Variants in COL17A1 observed in about 807,000 individuals in gnomAD.
COL17A1 encodes collagen type XVII alpha 1 chain.
Under a neutral mutation model 218.4 loss-of-function variants are expected in COL17A1, and 181 were observed. The ratio of observed to expected loss-of-function variants is 0.83; its 90% confidence interval spans 0.73 to 0.94. The LOEUF is 0.94. Ranked by LOEUF, COL17A1 falls within the 40% of genes least tolerant of loss-of-function variation. The pLI is 0.00. For missense variants in COL17A1, 1,924 were observed against 1,945.9 expected (o/e 0.99, Z 0.21); for synonymous variants, 721 against 731.0 (o/e 0.99, Z 0.22).
rs12253626 is a variant in COL17A1, at chr10:104,032,161, C to A, written c.*74G>T. 2.0e-3 allele frequency: 2,379 copies of A among 1,196,264 alleles called. 36 individuals are homozygous for A. In the African/African-American group the frequency reaches 0.031, roughly 16 times the overall value. The allele number at this position is 1,196,264 out of a possible 1,614,324, so 74.1% of individuals were successfully genotyped here. On this transcript the variant is annotated 3_prime_UTR_variant, in exon 56 of 56. Coordinates refer to ENST00000648076, the MANE Select transcript of COL17A1 (RefSeq NM_000494.4). The stretch of plus-strand genomic sequence containing the variant: ...GACATTGACAGACTCCAGCTTTCAC[C>A]CTCTGGAGACCTTGGACCTAAGTGC...
chr10:104,083,724 C>T (rs2086784392), intron 1 of COL17A1, among the ~76,000 whole-genome samples: 2 of 152,222 alleles, frequency 1.3e-5, no homozygotes, highest in Admixed American at 6.5e-5. Flanking sequence ...TTTACCATCA[C>T]ATTTGGGTTT....
At position 104,032,179 on chromosome 10, in the gene COL17A1, C is replaced by T; in HGVS notation, c.*56G>A. On this transcript the variant is annotated 3_prime_UTR_variant, in exon 56 of 56. Coordinates refer to ENST00000648076, the MANE Select transcript of COL17A1 (RefSeq NM_000494.4). ...CTTTCACCCTCTGGAGACCTTGGAC[C>T]TAAGTGCCACATGCATTATGAGACC... The T allele has an allele frequency of 6.9e-7, 1 of 1,456,372 alleles. No individual in the cohort carries two copies. The highest frequency in any genetic ancestry group is 1.7e-5 in the Admixed American group (1 of 59,644). The allele number at this position is 1,456,372 out of a possible 1,614,324, so 90.2% of individuals were successfully genotyped here.
intron 8 of COL17A1, among the ~76,000 whole-genome samples, chr10:104,071,278 C>T (rs1309767917): frequency 6.6e-6 from 1 of 152,070 alleles, no homozygotes; most frequent in Non-Finnish European, 1.5e-5. Flanking sequence ...CCTCACCACC[C>T]CTAAGCCTGG....
rs776850799 is a variant in COL17A1 at position 104,049,394 on chromosome 10, C to T, written c.2227+15G>A. On this transcript the variant is annotated intron_variant, in intron 29 of 55. Coordinates refer to ENST00000648076, the MANE Select transcript of COL17A1 (RefSeq NM_000494.4). ...GATGGGGAACTCACTGAATCCATTCCTTTGGAACACTTACCCATTGCTCCT... is the reference window on the plus strand; with the variant it reads ...GATGGGGAACTCACTGAATCCATTCTTTTGGAACACTTACCCATTGCTCCT... 2 of 1,613,684 alleles carry T rather than the reference C, an allele frequency of 1.2e-6. No homozygotes were observed. The highest frequency in any genetic ancestry group is 4.5e-5 in the East Asian group (2 of 44,864).
rs805706 is a variant in COL17A1, at chr10:104,062,078, C to T, written c.910+180G>A. ...GATGCTGTTGACAGGACAGCCTTCC[C>T]TGTGTGCTTGACTCATGTCTGAGCC... On this transcript the variant is annotated intron_variant, in intron 12 of 55. Coordinates refer to ENST00000648076, the MANE Select transcript of COL17A1 (RefSeq NM_000494.4). Among the ~76,000 whole-genome samples the T allele has an allele frequency of 0.88, 133,571 of 152,212 alleles. 60,483 individuals carry two copies. The highest frequency in any genetic ancestry group is 0.99 in the Non-Finnish European group (67,649 of 68,036).
rs2086302169 is a variant in COL17A1, at chr10:104,036,643, G to A, written c.3278-11C>T. The A allele has an allele frequency of 6.2e-7, 1 of 1,612,986 alleles. No individual in the cohort carries two copies. Among genetic ancestry groups the A allele is most frequent in the African/African-American group, 1.3e-5 (1 of 74,886 alleles). On this transcript the variant is annotated splice_polypyrimidine_tract_variant and intron_variant, in intron 47 of 55. Coordinates refer to ENST00000648076, the MANE Select transcript of COL17A1 (RefSeq NM_000494.4). Reference sequence around the variant, plus strand: ...GACGCACGTCATCCCCTGGAGAGGAGAGGATGCACTAGCAGGACCCACCCA... The same window carrying A: ...GACGCACGTCATCCCCTGGAGAGGAAAGGATGCACTAGCAGGACCCACCCA...
At position 104,035,328 on chromosome 10, in the gene COL17A1, G is replaced by A. The variant is rs1315551127; in HGVS notation, c.3554C>T (p.Pro1185Leu). ...GIVGPPGPPGPPGIPGNVWSS... is the reference protein window; with the variant it reads ...GIVGPPGPPGLPGIPGNVWSS... ...CCACACATTGCCTGGGATCCCTGGT[G>A]GACCCGGGGGACCTGGGGGTCCAAC... Residue 1185 changes from proline (P) to leucine (L), a missense_variant, in exon 50 of 56, where the codon CCA (proline) becomes CTA (leucine). Coordinates refer to ENST00000648076, the MANE Select transcript of COL17A1 (RefSeq NM_000494.4). 3.1e-6 allele frequency: 5 copies of A among 1,614,082 alleles called. No homozygotes were observed. Among genetic ancestry groups the A allele is most frequent in the East Asian group, 4.5e-5 (2 of 44,900 alleles).
intron 36 of COL17A1, 87 bp downstream of exon 36, chr10:104,042,333 C>A: frequency 2.1e-6 from 3 of 1,427,124 alleles, no homozygotes; most frequent in Non-Finnish European, 3.0e-6. Context: ...TTCACGTCAT[C>A]TAGAACAGAG....
intron 33 of COL17A1, among the ~76,000 whole-genome samples, chr10:104,044,410 C>T (rs992610183): frequency 9.9e-5 from 15 of 152,260 alleles, no homozygotes; most frequent in African/African-American, 2.6e-4. Context: ...TACAAGTGTG[C>T]GTGGAGAACT....
chr10:104,037,890 G>C, intron 45 of COL17A1, 117 bp from the exon 46 acceptor site: 4 of 1,325,224 alleles, frequency 3.0e-6, no homozygotes, highest in Non-Finnish European at 4.2e-6. Flanking sequence ...TGGGCCCAAG[G>C]CTGGGCCAGG....
At chr10:104,078,726 G>T in intron 2 of COL17A1, 140 bp from the exon 3 acceptor site, 1 of 1,175,468 alleles carries the variant, frequency 8.5e-7, no homozygotes, top group Non-Finnish European at 1.2e-6. Flanking sequence ...GCTTTAAGGT[G>T]TGTGATCTGA....
At chr10:104,038,162 G>A (rs1308706879) in intron 45 of COL17A1, among the ~76,000 whole-genome samples, 1 of 152,072 alleles carries the variant, frequency 6.6e-6, no homozygotes, top group East Asian at 1.9e-4. Flanking sequence ...GGCTGGTGTT[G>A]GGGAGCTCAT....
intron 4 of COL17A1, 106 bp from the exon 5 acceptor site, chr10:104,076,535 C>T (rs771328857): frequency 1.1e-5 from 17 of 1,502,834 alleles, no homozygotes; most frequent in African/African-American, 8.3e-5. Flanking sequence ...GGAGGGTCTT[C>T]GGGAGGGCAC....
intron 23 of COL17A1, among the ~76,000 whole-genome samples, chr10:104,052,722 C>G (rs981887074): frequency 6.6e-6 from 1 of 152,178 alleles, no homozygotes; most frequent in Non-Finnish European, 1.5e-5. Context: ...CTGCCCTGCC[C>G]CCTGAGCCCC....
chr10:104,060,177 G>C lies in COL17A1; in HGVS notation c.1083C>G (p.Leu361=). Residue 361 remains leucine, a synonymous_variant, in exon 14 of 56, where the codon CTC becomes CTG. Transcript: ENST00000648076. ...NTPAKKEMEL[L]IMTKDSGKVF... ...CCTTCCCGCTGTCCTTGGTCATGATGAGCAGCTCCATCTCCTTCTTGGCAG... is the reference window on the plus strand; with the variant it reads ...CCTTCCCGCTGTCCTTGGTCATGATCAGCAGCTCCATCTCCTTCTTGGCAG... 1 of 1,614,156 alleles carries C rather than the reference G, an allele frequency of 6.2e-7. No individual in the cohort carries two copies. Among genetic ancestry groups the C allele is most frequent in the African/African-American group, 1.3e-5 (1 of 75,030 alleles).
In COL17A1 at chr10:104,039,766, CCACACA is replaced by C. The variant is rs60283710; in HGVS notation, c.2789-132_2789-127del. 6.3e-3 allele frequency: 6,139 copies of C among 971,926 alleles called. 59 individuals are homozygous for C. Among genetic ancestry groups the C allele is most frequent in the African/African-American group, 0.05 (2,987 of 59,618 alleles). 60.2% of individuals were successfully genotyped at this position (971,926 alleles called of 1,614,324 possible). Reference sequence around the variant, plus strand: ...GCCCTTTGGGCAGTACCTAGAGATGCCACACACACACACACACACACACACACACGC... The same window carrying C: ...GCCCTTTGGGCAGTACCTAGAGATGCCACACACACACACACACACACACGC... On this transcript the variant is annotated intron_variant, in intron 41 of 55. Transcript: ENST00000648076.
intron 6 of COL17A1, 21 bp from the exon 7 acceptor site, chr10:104,073,266 T>C (rs1264726983): frequency 3.7e-6 from 6 of 1,611,928 alleles, no homozygotes; most frequent in Non-Finnish European, 5.1e-6. Context: ...AAGAAATGCA[T>C]TTTTAGGCAT....
chr10:104,070,916 G>T (rs1236337956), intron 8 of COL17A1, among the ~76,000 whole-genome samples: 2 of 152,148 alleles, frequency 1.3e-5, no homozygotes, highest in Non-Finnish European at 2.9e-5. Context: ...CAGGTCCCTT[G>T]AAACAGATGC....
chr10:104,057,032 C>A lies in COL17A1; in HGVS notation c.1408G>T (p.Gly470Cys), dbSNP rs765025897. The A allele has an allele frequency of 1.0e-5, 16 of 1,600,490 alleles. No individual in the cohort carries two copies. In the East Asian group the frequency reaches 3.6e-4, roughly 36 times the overall value. Residue 470 changes from glycine (G) to cysteine (C), a missense_variant, in exon 17 of 56, where the codon GGC becomes TGC. By Grantham distance (159) the Gly-to-Cys change is radical. Coordinates refer to ENST00000648076, the MANE Select transcript of COL17A1 (RefSeq NM_000494.4). ...AGTAGCAGCCAGGTGAGCAGCAGGC[C>A]CAGCAGCCACTTCCACCAGCTGCAG... Reference protein sequence around the residue: ...SCCSWWKWLLGLLLTWLLLLG... With the variant: ...SCCSWWKWLLCLLLTWLLLLG...
Sources: gnomAD v4.1 joint callset for allele counts (sites outside exome capture counted in the v4.1 genomes callset) on GRCh38, gnomAD v4.1.1 for gene constraint, MANE v1.5 for transcripts, NCBI Gene and HGNC (gene_info 2026-07-23, HGNC 2026-07-21) for gene names.